ILDR1: variants seen among roughly 807,000 people sequenced by gnomAD.
ILDR1 encodes the protein immunoglobulin like domain containing receptor 1, also known as immunoglobulin-like domain-containing receptor 1.
ILDR1 carries 56 observed loss-of-function variants against 62.4 expected under a neutral mutation model. The observed-to-expected ratio is 0.90, with a 90% CI of 0.72 to 1.12. The LOEUF is 1.12. Ranked by LOEUF, ILDR1 falls within the 50% of genes most tolerant of loss-of-function variation. ILDR1 has a pLI of 0.00. For missense variants in ILDR1, 736 were observed against 710.6 expected, an observed-to-expected ratio of 1.04 and a Z score of -0.41; for synonymous variants, 284 against 277.8, an observed-to-expected ratio of 1.02 and a Z score of -0.22.
chr3:122,005,067 CT>C (rs2107660879), intron 3 of ILDR1, among the ~76,000 whole-genome samples, 176 bp downstream of exon 3: 1 of 152,322 alleles, frequency 6.6e-6, no homozygotes, highest in Non-Finnish European at 1.5e-5. Context: ...AGGGAAGTCA[CT>C]TCAGCTGGTG....
the ILDR1 span, among the ~76,000 whole-genome samples, chr3:122,040,769 G>C: frequency 6.7e-6 from 1 of 150,236 alleles, no homozygotes; most frequent in Admixed American, 6.6e-5. Flanking sequence ...GCTCAAAATG[G>C]GTCATAGGCC....
upstream of ILDR1, among the ~76,000 whole-genome samples, chr3:122,024,438 T>C (rs560354388): frequency 3.0e-4 from 46 of 152,314 alleles, no homozygotes; most frequent in Middle Eastern, 0.01. Context: ...TTTAATAAAG[T>C]TTATCTCAAG....
the ILDR1 span, among the ~76,000 whole-genome samples, chr3:122,032,311 AT>A: frequency 6.6e-6 from 1 of 152,116 alleles, no homozygotes; most frequent in African/African-American, 2.4e-5. Flanking sequence ...GTTTGTTTTC[AT>A]TTCTGAATAG....
chr3:122,037,413 T>A, the ILDR1 span, among the ~76,000 whole-genome samples: 1 of 152,190 alleles, frequency 6.6e-6, no homozygotes, highest in Non-Finnish European at 1.5e-5. Context: ...GTGTGAGACA[T>A]TGAATCAAAG....
the ILDR1 span, among the ~76,000 whole-genome samples, chr3:122,043,227 GATA>G: frequency 6.7e-6 from 1 of 149,074 alleles, no homozygotes; most frequent in Non-Finnish European, 1.5e-5. Flanking sequence ...GATAGTTGTA[GATA>G]TGCGGCGTTA....
At chr3:122,007,854 C>T (rs999951087) in intron 1 of ILDR1, among the ~76,000 whole-genome samples, 3 of 152,236 alleles carry the variant, frequency 2.0e-5, no homozygotes, top group Non-Finnish European at 4.4e-5. Context: ...TGTAACCCTA[C>T]CTTCTCCAGC....
At chr3:122,055,836 GT>G in the ILDR1 span, among the ~76,000 whole-genome samples, 4 of 152,240 alleles carry the variant, frequency 2.6e-5, no homozygotes, top group Middle Eastern at 3.4e-3. Context: ...CAGGGAATAT[GT>G]TTTTTGTCTA....
chr3:122,015,269 A>G (rs1227797729), intron 1 of ILDR1, among the ~76,000 whole-genome samples: 1 of 152,204 alleles, frequency 6.6e-6, no homozygotes, highest in Non-Finnish European at 1.5e-5. Flanking sequence ...CAAGCCCAAA[A>G]TCTAAATCAT....
chr3:122,026,474 G>A (rs2071922188), upstream of ILDR1, among the ~76,000 whole-genome samples: 2 of 152,210 alleles, frequency 1.3e-5, no homozygotes, highest in Admixed American at 1.3e-4. Context: ...ACCCTAGATA[G>A]ATAGTGATTC....
chr3:122,061,608 G>A, the ILDR1 span, among the ~76,000 whole-genome samples: 1 of 152,086 alleles, frequency 6.6e-6, no homozygotes, highest in Non-Finnish European at 1.5e-5. Context: ...ATATAAGAGA[G>A]TCAACATCAT....
chr3:122,035,929 CAGA>C, the ILDR1 span, among the ~76,000 whole-genome samples: 4 of 152,220 alleles, frequency 2.6e-5, no homozygotes, highest in East Asian at 7.7e-4. Context: ...TTGGAGGGCT[CAGA>C]AGAAGATAGG....
At chr3:122,025,030 A>C (rs2071908678), upstream of ILDR1, among the ~76,000 whole-genome samples, 1 of 152,222 alleles carries the variant, frequency 6.6e-6, no homozygotes, top group Non-Finnish European at 1.5e-5. Flanking sequence ...TAAAGATTAG[A>C]TAAGAGCATG....
At chr3:122,058,202 T>G in the ILDR1 span, among the ~76,000 whole-genome samples, 3 of 152,186 alleles carry the variant, frequency 2.0e-5, no homozygotes, top group Non-Finnish European at 4.4e-5. Context: ...ATGGCATTAC[T>G]AAGAACAGAA....
the ILDR1 span, among the ~76,000 whole-genome samples, chr3:122,027,397 C>T: frequency 1.3e-5 from 2 of 152,276 alleles, no homozygotes; most frequent in Middle Eastern, 3.4e-3. Context: ...ACCATGTTGG[C>T]CAGGCTTGTC....
At chr3:122,030,437 C>G in the ILDR1 span, among the ~76,000 whole-genome samples, 1 of 151,988 alleles carries the variant, frequency 6.6e-6, no homozygotes, top group African/African-American at 2.4e-5. Flanking sequence ...CCACTTGCCA[C>G]TGTCCCCACA....
At chr3:122,020,585 C>G (rs1013060492) in intron 1 of ILDR1, among the ~76,000 whole-genome samples, 1 of 152,140 alleles carries the variant, frequency 6.6e-6, no homozygotes, top group African/African-American at 2.4e-5. Flanking sequence ...GTGGTGGGAG[C>G]AGAACTCTAT....
At chr3:122,018,217 A>G (rs958792058) in intron 1 of ILDR1, among the ~76,000 whole-genome samples, 4 of 152,218 alleles carry the variant, frequency 2.6e-5, no homozygotes, top group African/African-American at 9.7e-5. Context: ...CATCCATAAA[A>G]AGGATGAGTT....
the ILDR1 span, among the ~76,000 whole-genome samples, chr3:122,059,207 A>C: frequency 2.0e-5 from 3 of 152,166 alleles, no homozygotes; most frequent in African/African-American, 7.2e-5. Context: ...CTGCATAAGT[A>C]TGGTTGACAG....
At chr3:122,040,206 G>A in the ILDR1 span, among the ~76,000 whole-genome samples, 2 of 151,800 alleles carry the variant, frequency 1.3e-5, no homozygotes, top group Non-Finnish European at 3.0e-5. Context: ...TTTAAAATGA[G>A]GGAAAGGATT....
Sources: gnomAD v4.1 joint callset for allele counts (sites outside exome capture counted in the v4.1 genomes callset) on GRCh38, gnomAD v4.1.1 for gene constraint, MANE v1.5 for transcripts, NCBI Gene and HGNC (gene_info 2026-07-23, HGNC 2026-07-21) for gene names.